MAN2A1: variants seen among roughly 807,000 people sequenced by gnomAD.
MAN2A1 encodes mannosidase alpha class 2A member 1.
MAN2A1 carries 76 observed loss-of-function variants against 142.6 expected under a neutral mutation model. The observed-to-expected ratio is 0.53, with a 90% CI of 0.44 to 0.65. MAN2A1 has a LOEUF of 0.65. Among genes scored for constraint, MAN2A1 ranks in the 30% least tolerant of loss-of-function variants. The pLI, the probability that MAN2A1 is intolerant of heterozygous loss-of-function variation, is 0.00. For missense variants in MAN2A1, 1,311 were observed against 1,365.1 expected (o/e 0.96, Z 0.62); for synonymous variants, 559 against 473.2 (o/e 1.18, Z -2.35).
intron 8 of MAN2A1, among the ~76,000 whole-genome samples, chr5:109,779,156 A>G (rs1429246217): frequency 2.0e-5 from 3 of 152,144 alleles, no homozygotes; most frequent in South Asian, 2.1e-4. Context: ...ACAGGTACTG[A>G]GTTATTTTTC....
At chr5:109,764,507 T>C (rs1752938723) in intron 5 of MAN2A1, among the ~76,000 whole-genome samples, 1 of 152,172 alleles carries the variant, frequency 6.6e-6, no homozygotes, top group Admixed American at 6.5e-5. Flanking sequence ...TTTTAAAAAG[T>C]ATTGCCAAGA....
rs762781553 is a variant in MAN2A1 at position 109,823,764 on chromosome 5, T to G, written c.2493T>G (p.His831Gln). The change falls in exon 16 of 22, where the codon CAT (histidine) becomes CAG (glutamine). Residue 831 changes from histidine to glutamine, a missense_variant. His to Gln is a conservative substitution (Grantham distance 24, BLOSUM62 0). Transcript: ENST00000261483. ...YTTPPFVRVTHGRIYSEVTCF... is the reference protein window; with the variant it reads ...YTTPPFVRVTQGRIYSEVTCF... ...CACCGCCCTTTGTCAGAGTGACACA[T>G]GGAAGGATTTATTCGGAAGTGACTT... 4 of 1,609,602 alleles carry G rather than the reference T, an allele frequency of 2.5e-6. No homozygotes were observed. The highest frequency in any genetic ancestry group is 1.7e-6 in the Non-Finnish European group (2 of 1,177,980).
chr5:109,820,030 G>C, intron 14 of MAN2A1, 143 bp downstream of exon 14: 1 of 802,366 alleles, frequency 1.2e-6, no homozygotes, highest in South Asian at 1.8e-5. Context: ...TGAGCTTTTT[G>C]CACCTTCATT....
chr5:109,698,272 C>T (rs1184097882), intron 1 of MAN2A1, among the ~76,000 whole-genome samples: 1 of 152,202 alleles, frequency 6.6e-6, no homozygotes, highest in Non-Finnish European at 1.5e-5. Context: ...AGCTTGGAGG[C>T]AGGGTACTTT....
At chr5:109,706,458 A>G (rs1291787928) in intron 1 of MAN2A1, among the ~76,000 whole-genome samples, 7 of 152,228 alleles carry the variant, frequency 4.6e-5, no homozygotes, top group African/African-American at 1.4e-4. Context: ...AGCAATGGAT[A>G]TTAGTATCTG....
At chr5:109,783,649 A>G (rs1753519257) in intron 9 of MAN2A1, among the ~76,000 whole-genome samples, 2 of 152,088 alleles carry the variant, frequency 1.3e-5, no homozygotes, top group South Asian at 2.1e-4. Flanking sequence ...AACATTTTCA[A>G]GTTGCCTTGA....
At position 109,847,554 on chromosome 5, in the gene MAN2A1, A is replaced by G. The variant is rs1195911470; in HGVS notation, c.2843-103A>G. Reference sequence around the variant, plus strand: ...AATCCACCTCCTTGACTAGAGAGGAAATTTAGAGCAATACATCATGACTGC... The same window carrying G: ...AATCCACCTCCTTGACTAGAGAGGAGATTTAGAGCAATACATCATGACTGC... On this transcript the variant is annotated intron_variant, in intron 18 of 21. Coordinates refer to ENST00000261483, the MANE Select transcript of MAN2A1 (RefSeq NM_002372.4). 4.7e-6 allele frequency: 5 copies of G among 1,053,140 alleles called. No homozygotes were observed. In the African/African-American group the frequency reaches 6.6e-5, roughly 14 times the overall value. 65.2% of individuals were successfully genotyped at this position (1,053,140 alleles called of 1,614,324 possible).
chr5:109,776,366 G>T (rs965307508), intron 8 of MAN2A1, among the ~76,000 whole-genome samples: 1 of 151,830 alleles, frequency 6.6e-6, no homozygotes, highest in Non-Finnish European at 1.5e-5. Flanking sequence ...TTATGAACTC[G>T]GATCCTAGGG....
rs1434646502 is a variant in MAN2A1, at chr5:109,823,690, A to C, written c.2452-33A>C. ...TTCTTTTAAAAGTTTGGAAGCCAAA[A>C]TATTTTTCTTAAATATATTATTTTC... is the stretch of plus-strand genomic sequence containing the variant. On this transcript the variant is annotated intron_variant, in intron 15 of 21. Transcript: ENST00000261483. 3 of 1,148,856 alleles carry C rather than the reference A, an allele frequency of 2.6e-6. No individual in the cohort carries two copies. The Admixed American group carries it at 5.2e-5, about 20-fold the overall frequency. 71.2% of individuals were successfully genotyped at this position (1,148,856 alleles called of 1,614,324 possible).
intron 19 of MAN2A1, chr5:109,854,063 C>G (rs1417860935): frequency 6.6e-6 from 1 of 152,110 alleles, no homozygotes; most frequent in Admixed American, 6.5e-5. Flanking sequence ...TCTATAAATC[C>G]TGTCTTTTCA....
intron 16 of MAN2A1, among the ~76,000 whole-genome samples, chr5:109,833,223 C>T (rs1426373146): frequency 1.7e-4 from 26 of 148,746 alleles, no homozygotes; most frequent in African/African-American, 5.2e-4. Flanking sequence ...ACATCCCAGA[C>T]GATGGGCGGC....
In MAN2A1 at chr5:109,841,195, C is replaced by A. The variant is rs181289491; in HGVS notation, c.2567-1133C>A. Among the ~76,000 whole-genome samples, 98 of 152,236 alleles carry A rather than the reference C, an allele frequency of 6.4e-4. 1 individual carries two copies. The highest frequency in any genetic ancestry group is 3.4e-3 in the Middle Eastern group (1 of 294). ...TTGGGGTACAGGTGGTATTTGGTTA[C>A]ATTAGTAAGTTCTTTAGAGGTGATT... On this transcript the variant is annotated intron_variant, in intron 16 of 21. Coordinates refer to ENST00000261483, the MANE Select transcript of MAN2A1 (RefSeq NM_002372.4).
chr5:109,860,403 A>G (rs1369054352), intron 20 of MAN2A1, among the ~76,000 whole-genome samples: 1 of 152,158 alleles, frequency 6.6e-6, no homozygotes, highest in East Asian at 1.9e-4. Context: ...AGCTGCCAGA[A>G]TGCACTAGGG....
At chr5:109,763,248 C>G (rs904415085) in intron 5 of MAN2A1, among the ~76,000 whole-genome samples, 2 of 152,070 alleles carry the variant, frequency 1.3e-5, no homozygotes, top group East Asian at 1.9e-4. Flanking sequence ...AATACAGTGG[C>G]CTTCCATAAA....
chr5:109,755,611 C>G (rs1307497167), intron 5 of MAN2A1, among the ~76,000 whole-genome samples, 155 bp downstream of exon 5: 4 of 152,088 alleles, frequency 2.6e-5, no homozygotes, highest in Non-Finnish European at 4.4e-5. Context: ...TTTCTTAGCT[C>G]ATAAACTGAG....
intron 8 of MAN2A1, among the ~76,000 whole-genome samples, chr5:109,776,769 A>G (rs1199158588): frequency 1.3e-5 from 2 of 152,118 alleles, no homozygotes; most frequent in African/African-American, 4.8e-5. Flanking sequence ...ACTGCCGCAA[A>G]AGCAACCACT....
At chr5:109,794,488 C>G (rs1050083861) in intron 12 of MAN2A1, among the ~76,000 whole-genome samples, 1 of 151,958 alleles carries the variant, frequency 6.6e-6, no homozygotes, top group Non-Finnish European at 1.5e-5. Context: ...TGAAACTGGT[C>G]GGCTATATTT....
chr5:109,789,592 T>G, intron 12 of MAN2A1, 65 bp downstream of exon 12: 1 of 1,146,496 alleles, frequency 8.7e-7, no homozygotes, highest in Non-Finnish European at 1.2e-6. Flanking sequence ...GTTTTATGGT[T>G]CTGGTTTTTA....
At chr5:109,756,820 T>A (rs1752702276) in intron 5 of MAN2A1, among the ~76,000 whole-genome samples, 1 of 152,210 alleles carries the variant, frequency 6.6e-6, no homozygotes, top group African/African-American at 2.4e-5. Context: ...GCTCACTGTT[T>A]TTAATCTGTT....
Sources: allele counts gnomAD v4.1 joint callset (sites outside exome capture counted in the v4.1 genomes callset), GRCh38; gene constraint gnomAD v4.1.1; transcripts MANE v1.5; gene names NCBI Gene and HGNC (gene_info 2026-07-23, HGNC 2026-07-21).